The following RAB30 variants were observed in gnomAD, a reference collection of about 807,000 sequenced individuals.
The protein encoded by RAB30 is RAB30, member RAS oncogene family.
A neutral mutation model predicts 25.1 loss-of-function variants in RAB30; 9 were observed. The ratio of observed to expected loss-of-function variants is 0.36; its 90% CI spans 0.22 to 0.63. The LOEUF is 0.63. Ranked by LOEUF, RAB30 falls within the 20% of genes least tolerant of loss-of-function variation. The probability of loss-of-function intolerance (pLI) is 0.69; values close to 1 mark genes in which losing one functional copy is unlikely to be tolerated. For synonymous variants in RAB30, 77 were observed against 86.4 expected (o/e 0.89, Z 0.60); for missense variants, 140 against 243.5 (o/e 0.58, Z 2.83).
chr11:83,046,841 T>C lies in RAB30; in HGVS notation c.-9+24850A>G, dbSNP rs1429137910. ...TTGCAAAAACAAAGAACAATATGCA[T>C]CAGAGATCATATGTGGCCCCCAAAG... On this transcript the variant is annotated intron_variant, in intron 1 of 4. Coordinates refer to ENST00000527633, the MANE Select transcript of RAB30 (RefSeq NM_001286060.2). Among the ~76,000 whole-genome samples the C allele has an allele frequency of 2.0e-5, 3 of 152,162 alleles. No homozygotes were observed. The East Asian group carries it at 5.8e-4, about 29-fold the overall frequency.
chr11:83,001,574 T>C (rs1401744547), intron 1 of RAB30, among the ~76,000 whole-genome samples: 1 of 152,226 alleles, frequency 6.6e-6, no homozygotes, highest in African/African-American at 2.4e-5. Context: ...CCAGGTAATC[T>C]GTTGTAGTTA....
intron 1 of RAB30, among the ~76,000 whole-genome samples, chr11:83,031,216 T>C (rs923145776): frequency 1.3e-5 from 2 of 152,278 alleles, no homozygotes; most frequent in Non-Finnish European, 2.9e-5. Context: ...TATTTTGTTA[T>C]GGCAGGCCTA....
At chr11:83,053,670 T>C (rs1858401341) in intron 1 of RAB30, among the ~76,000 whole-genome samples, 1 of 152,160 alleles carries the variant, frequency 6.6e-6, no homozygotes, top group African/African-American at 2.4e-5. Flanking sequence ...TTATAATCTT[T>C]CTCTAATCTG....
rs957627434 is a variant in RAB30, at chr11:82,974,433, T to C, written c.*7732A>G. ...TGGGTTATATTTCTAACAGGCTTTT[T>C]GTTAAGTAAAAAGATCAATATATGA... On this transcript the variant is annotated 3_prime_UTR_variant, in exon 5 of 5. Transcript: ENST00000527633. 1 of 152,192 alleles carries C rather than the reference T, an allele frequency of 6.6e-6. No individual in the cohort carries two copies. Among genetic ancestry groups the C allele is most frequent in the African/African-American group, 2.4e-5 (1 of 41,450 alleles). The allele number at this position is 152,192 out of a possible 1,614,324, so 9.4% of individuals were successfully genotyped here.
chr11:83,063,655 T>G (rs1858632762), intron 1 of RAB30, among the ~76,000 whole-genome samples: 1 of 152,168 alleles, frequency 6.6e-6, no homozygotes. Flanking sequence ...CTTCCCTTAG[T>G]AAAAGAGTTC....
At chr11:83,062,713 A>T (rs1858609615) in intron 1 of RAB30, among the ~76,000 whole-genome samples, 2 of 152,162 alleles carry the variant, frequency 1.3e-5, no homozygotes, top group Admixed American at 1.3e-4. Flanking sequence ...AAAGAAACTG[A>T]GGCTCAGCCA....
chr11:83,032,520 G>A (rs1565283947), intron 1 of RAB30, among the ~76,000 whole-genome samples: 1 of 152,112 alleles, frequency 6.6e-6, no homozygotes. Context: ...TTTTGAGACA[G>A]CATCTCACTA....
intron 1 of RAB30, among the ~76,000 whole-genome samples, chr11:83,043,774 A>G (rs555223110): frequency 7.9e-5 from 12 of 152,306 alleles, no homozygotes; most frequent in African/African-American, 2.6e-4. Context: ...CAAAATAAAA[A>G]ATTAGATAGA....
intron 1 of RAB30, among the ~76,000 whole-genome samples, chr11:83,031,699 G>A (rs1209363812): frequency 2.6e-5 from 4 of 152,000 alleles, no homozygotes; most frequent in African/African-American, 7.3e-5. Flanking sequence ...GGCTAATTTT[G>A]TATTTTTAGG....
In RAB30 at chr11:82,977,532, A is replaced by G. The variant is rs1004563426; in HGVS notation, c.*4633T>C. 1.3e-5 allele frequency: 2 copies of G among 152,214 alleles called. No homozygotes were observed. Among genetic ancestry groups the G allele is most frequent in the Admixed American group, 6.5e-5 (1 of 15,278 alleles). The allele number at this position is 152,214 out of a possible 1,614,324, so 9.4% of individuals were successfully genotyped here. A position where few individuals can be genotyped will look rare whatever the true frequency, so the allele number is the denominator to read the frequency against. On this transcript the variant is annotated 3_prime_UTR_variant, in exon 5 of 5. Transcript: ENST00000527633. ...GCTATTACCTGAGGCAGACTGTCCC[A>G]TAGTGAACCAACTTTTTGAGAATGG...
chr11:83,047,514 C>A (rs1858258133), intron 1 of RAB30, among the ~76,000 whole-genome samples: 1 of 151,984 alleles, frequency 6.6e-6, no homozygotes, highest in Admixed American at 6.6e-5. Flanking sequence ...TACACGATAC[C>A]AAAACAAGGA....
intron 1 of RAB30, among the ~76,000 whole-genome samples, chr11:83,001,046 CAA>C (rs1181057652): frequency 1.9e-5 from 1 of 53,626 alleles, no homozygotes; most frequent in Non-Finnish European, 3.3e-5. Flanking sequence ...GACTCCGTCT[CAA>C]AAAAAAAAAA....
intron 1 of RAB30, among the ~76,000 whole-genome samples, chr11:83,022,935 A>G (rs551056935): frequency 1.8e-4 from 27 of 151,692 alleles, no homozygotes; most frequent in African/African-American, 6.5e-4. Context: ...CAACTTTCAA[A>G]TGGTCCAGCA....
At chr11:83,060,551 G>T (rs965453207) in intron 1 of RAB30, among the ~76,000 whole-genome samples, 1 of 152,152 alleles carries the variant, frequency 6.6e-6, no homozygotes, top group African/African-American at 2.4e-5. Flanking sequence ...TGATGCACGG[G>T]GAGGGATAGA....
In RAB30 at chr11:82,981,826, G is replaced by A. The variant is rs1412988719; in HGVS notation, c.*339C>T. The stretch of plus-strand genomic sequence containing the variant: ...CCCACATGCACCCACTGATGTGCAG[G>A]AGGGATCCCTACAGTACATTTCCCC... On this transcript the variant is annotated 3_prime_UTR_variant, in exon 5 of 5. Transcript: ENST00000527633. 1.6e-5 allele frequency: 4 copies of A among 250,662 alleles called. No individual in the cohort carries two copies. The highest frequency in any genetic ancestry group is 1.9e-4 in the East Asian group (2 of 10,796). The allele number at this position is 250,662 out of a possible 1,614,324, so 15.5% of individuals were successfully genotyped here.
At chr11:83,028,113 AT>A (rs546972880) in intron 1 of RAB30, among the ~76,000 whole-genome samples, 81 of 152,358 alleles carry the variant, frequency 5.3e-4, no homozygotes, top group Middle Eastern at 3.4e-3. Flanking sequence ...CGGAAATACC[AT>A]TAATATTCTC....
At chr11:83,049,488 GTT>G (rs71463145) in intron 1 of RAB30, among the ~76,000 whole-genome samples, 3,468 of 144,276 alleles carry the variant, frequency 0.024, 136 homozygotes, top group African/African-American at 0.084. Context: ...CAGTTTTTGT[GTT>G]TTTTTTTTGA....
chr11:83,048,991 T>TA (rs568676455), intron 1 of RAB30, among the ~76,000 whole-genome samples: 30 of 152,352 alleles, frequency 2.0e-4, no homozygotes, highest in African/African-American at 7.0e-4. Flanking sequence ...ACCACATGGT[T>TA]AAAAAGAAAC....
intron 1 of RAB30, among the ~76,000 whole-genome samples, chr11:83,065,082 T>C (rs961296929): frequency 1.3e-5 from 2 of 152,186 alleles, no homozygotes; most frequent in Admixed American, 1.3e-4. Flanking sequence ...TGATTATTTA[T>C]TTATGGTTAG....
Sources: allele counts gnomAD v4.1 joint callset (sites outside exome capture counted in the v4.1 genomes callset), GRCh38; gene constraint gnomAD v4.1.1; transcripts MANE v1.5; gene names NCBI Gene and HGNC (gene_info 2026-07-23, HGNC 2026-07-21).